ZNF804B: variants seen among roughly 807,000 people sequenced by gnomAD.
The protein encoded by ZNF804B is zinc finger 804B.
Under a neutral mutation model 101.4 loss-of-function variants are expected in ZNF804B, and 80 were observed. The ratio of observed to expected loss-of-function variants is 0.79; its 90% CI spans 0.66 to 0.95. The LOEUF is 0.95. ZNF804B is among the 40% of genes least tolerant of loss of function. The pLI, the probability that ZNF804B is intolerant of heterozygous loss-of-function variation, is 0.00. For missense variants in ZNF804B, 1,673 were observed against 1,561.9 expected (o/e 1.07, Z -1.20); for synonymous variants, 622 against 558.8 (o/e 1.11, Z -1.59).
At chr7:89,260,903 C>G (rs758518431) in intron 2 of ZNF804B, among the ~76,000 whole-genome samples, 6 of 152,164 alleles carry the variant, frequency 3.9e-5, no homozygotes, top group Admixed American at 1.3e-4. Flanking sequence ...TCACTAGTGG[C>G]ACTTCATATG....
intron 1 of ZNF804B, among the ~76,000 whole-genome samples, chr7:89,016,737 G>A (rs1045817961): frequency 2.2e-4 from 33 of 152,128 alleles, no homozygotes; most frequent in Non-Finnish European, 3.8e-4. Flanking sequence ...TTTGGTTACT[G>A]TAGCCTTGTA....
At chr7:89,103,389 T>G (rs1790090117) in intron 1 of ZNF804B, among the ~76,000 whole-genome samples, 1 of 151,864 alleles carries the variant, frequency 6.6e-6, no homozygotes, top group Admixed American at 6.6e-5. Flanking sequence ...ATTTGTGTCA[T>G]TCATAATTTA....
At chr7:88,767,592 A>G (rs937906674) in intron 1 of ZNF804B, among the ~76,000 whole-genome samples, 1 of 152,342 alleles carries the variant, frequency 6.6e-6, no homozygotes, top group East Asian at 1.9e-4. Context: ...CATGCCTTAA[A>G]TTAGACTTGT....
At position 89,071,962 on chromosome 7, in the gene ZNF804B, G is replaced by A. The variant is rs563483565; in HGVS notation, c.109-146193G>A. Among the ~76,000 whole-genome samples, 8 of 152,190 alleles carry A rather than the reference G, an allele frequency of 5.3e-5. No homozygotes were observed. The South Asian group carries it at 1.7e-3, about 32-fold the overall frequency. ...AGGGTGATGACCTATCTCAAGCTGG[G>A]TCAAAGACCATAATCCTTGCTGCAG... On this transcript the variant is annotated intron_variant, in intron 1 of 3. Transcript: ENST00000333190.
At chr7:89,171,358 C>CTTG (rs71120065) in intron 1 of ZNF804B, among the ~76,000 whole-genome samples, 4 of 102,580 alleles carry the variant, frequency 3.9e-5, no homozygotes, top group Non-Finnish European at 8.7e-5. Context: ...TCTTCTTCTT[C>CTTG]CTCCTCTTCC....
chr7:89,143,713 C>G (rs988993280), intron 1 of ZNF804B, among the ~76,000 whole-genome samples: 2 of 151,976 alleles, frequency 1.3e-5, no homozygotes, highest in Non-Finnish European at 2.9e-5. Flanking sequence ...GATAGGAACT[C>G]TCTTCAAATT....
intron 2 of ZNF804B, among the ~76,000 whole-genome samples, chr7:89,221,785 C>T (rs1311136966): frequency 6.7e-6 from 1 of 149,022 alleles, no homozygotes; most frequent in African/African-American, 2.5e-5. Flanking sequence ...CATTTATTTG[C>T]TTGTTTCATT....
intron 1 of ZNF804B, among the ~76,000 whole-genome samples, chr7:89,194,345 T>G (rs1788509668): frequency 6.6e-6 from 1 of 151,428 alleles, no homozygotes; most frequent in South Asian, 2.1e-4. Flanking sequence ...TTTTGGCTTT[T>G]GTTGCCATTG....
intron 2 of ZNF804B, among the ~76,000 whole-genome samples, chr7:89,263,152 C>T (rs574123756): frequency 7.2e-5 from 11 of 152,250 alleles, no homozygotes; most frequent in South Asian, 2.1e-4. Context: ...ATTATGCCTC[C>T]GTCTTCCTGA....
At chr7:88,805,297 C>G (rs954266727) in intron 1 of ZNF804B, among the ~76,000 whole-genome samples, 1 of 152,028 alleles carries the variant, frequency 6.6e-6, no homozygotes, top group Non-Finnish European at 1.5e-5. Context: ...AATATTAATC[C>G]AAGTCTAAAT....
At chr7:89,195,542 A>G (rs999981269) in intron 1 of ZNF804B, among the ~76,000 whole-genome samples, 1 of 150,930 alleles carries the variant, frequency 6.6e-6, no homozygotes, top group Admixed American at 6.6e-5. Flanking sequence ...TTATACACCA[A>G]TAACAGACAA....
At chr7:89,192,226 C>T (rs1300007346) in intron 1 of ZNF804B, among the ~76,000 whole-genome samples, 1 of 151,958 alleles carries the variant, frequency 6.6e-6, no homozygotes, top group Admixed American at 6.6e-5. Flanking sequence ...TATCTATCAC[C>T]CTTGAGAGTT....
At chr7:88,808,197 G>A (rs942476575) in intron 1 of ZNF804B, among the ~76,000 whole-genome samples, 11 of 151,828 alleles carry the variant, frequency 7.2e-5, no homozygotes, top group Non-Finnish European at 1.5e-4. Context: ...TTTGAGACCC[G>A]TCTGGCCAAC....
intron 1 of ZNF804B, among the ~76,000 whole-genome samples, chr7:89,102,499 C>T (rs1050913313): frequency 4.6e-5 from 7 of 151,586 alleles, no homozygotes; most frequent in Non-Finnish European, 1.0e-4. Flanking sequence ...GAGAAATACC[C>T]GTTCATGTCC....
rs554505636 is a variant in ZNF804B, at chr7:89,298,363, A to G, written c.250-28981A>G. Among the ~76,000 whole-genome samples, 970 of 147,710 alleles carry G rather than the reference A, an allele frequency of 6.6e-3. 8 individuals carry two copies. The highest frequency in any genetic ancestry group is 0.011 in the South Asian group (50 of 4,626). On this transcript the variant is annotated intron_variant, in intron 2 of 3. Coordinates refer to ENST00000333190, the MANE Select transcript of ZNF804B (RefSeq NM_181646.5). ...CATCAACCCATCATCTACATTAGGT[A>G]TTTCTCCTAATGCTCTCCCTCCCCT...
At chr7:88,777,846 TAAAA>T (rs3084379) in intron 1 of ZNF804B, among the ~76,000 whole-genome samples, 3 of 107,578 alleles carry the variant, frequency 2.8e-5, no homozygotes, top group Non-Finnish European at 1.9e-5. Context: ...AGACTCCATC[TAAAA>T]AAAAAAAAAA....
At position 88,759,748 on chromosome 7, in the gene ZNF804B, G is replaced by A; in HGVS notation, c.-229G>A. 1.8e-6 allele frequency: 1 copy of A among 566,118 alleles called. No individual in the cohort carries two copies. The highest frequency in any genetic ancestry group is 2.1e-5 in the South Asian group (1 of 48,048). 35.1% of individuals were successfully genotyped at this position (566,118 alleles called of 1,614,324 possible). On this transcript the variant is annotated 5_prime_UTR_variant, in exon 1 of 4. In the 5' UTR this introduces an upstream ATG that the reference lacks. Coordinates refer to ENST00000333190, the MANE Select transcript of ZNF804B (RefSeq NM_181646.5). ...TGGACTGGCTCGCCGGGTCCCCTCC[G>A]TGCTCTGTGCTGTCGCCGCCGCCGC...
intron 1 of ZNF804B, among the ~76,000 whole-genome samples, chr7:88,869,677 A>G (rs1791785553): frequency 6.6e-6 from 1 of 152,226 alleles, no homozygotes. Context: ...CCTCCTTTAA[A>G]TATACTTTTG....
chr7:88,843,257 C>T (rs1791313723), intron 1 of ZNF804B, among the ~76,000 whole-genome samples: 1 of 152,138 alleles, frequency 6.6e-6, no homozygotes, highest in African/African-American at 2.4e-5. Context: ...CTCATTTATT[C>T]CTCATGTAAT....
Sources: gnomAD v4.1 joint callset for allele counts (sites outside exome capture counted in the v4.1 genomes callset) on GRCh38, gnomAD v4.1.1 for gene constraint, MANE v1.5 for transcripts, NCBI Gene and HGNC (gene_info 2026-07-23, HGNC 2026-07-21) for gene names.